Variants in FBXL6 observed in about 807,000 individuals in gnomAD.
FBXL6 encodes the protein F-box/LRR-repeat protein 6.
Under a neutral mutation model 53.3 loss-of-function variants are expected in FBXL6, and 50 were observed. The ratio of observed to expected loss-of-function variants is 0.94; its 90% CI spans 0.75 to 1.19. The LOEUF is 1.19. FBXL6 is among the 50% of genes most tolerant of loss of function. The pLI, the probability that FBXL6 is intolerant of heterozygous loss-of-function variation, is 0.00. For synonymous variants in FBXL6, 405 were observed against 322.9 expected, an observed-to-expected ratio of 1.25 and a Z score of -2.73; for missense variants, 815 against 719.0, an observed-to-expected ratio of 1.13 and a Z score of -1.53.
rs782355848 is a variant in FBXL6, at chr8:144,355,689, G to A, written c.1473-11C>T. On this transcript the variant is annotated splice_polypyrimidine_tract_variant and intron_variant, in intron 8 of 8. Transcript: ENST00000331890. ...CCGCTGATCACAGAGCTGTGGGGAGGGCAGACCACAGGAAGTTGAGCTGTT... is the reference window on the plus strand; with the variant it reads ...CCGCTGATCACAGAGCTGTGGGGAGAGCAGACCACAGGAAGTTGAGCTGTT... The A allele has an allele frequency of 1.2e-6, 2 of 1,610,128 alleles. No homozygotes were observed. Among genetic ancestry groups the A allele is most frequent in the South Asian group, 2.2e-5 (2 of 90,896 alleles).
In FBXL6 at chr8:144,357,119, C is replaced by T; in HGVS notation, c.642G>A (p.Leu214=). The T allele has an allele frequency of 6.2e-7, 1 of 1,612,892 alleles. No individual in the cohort carries two copies. Among genetic ancestry groups the T allele is most frequent in the Non-Finnish European group, 8.5e-7 (1 of 1,180,004 alleles). Residue 214 remains leucine (L), a splice_region_variant and synonymous_variant, in exon 4 of 9, where the codon CTG becomes CTA. Transcript: ENST00000331890. ...WKSQVHPVLK[L]VGECCPRLTF... ...TGAGCCGAGGACAGCACTCACCTAC[C>T]AGCTGCGGGGAGACAGAGGGGCAGC...
In FBXL6 at chr8:144,357,798, G is replaced by A; in HGVS notation, c.417-12C>T. 1 of 1,530,888 alleles carries A rather than the reference G, an allele frequency of 6.5e-7. No individual in the cohort carries two copies. The highest frequency in any genetic ancestry group is 8.8e-7 in the Non-Finnish European group (1 of 1,142,162). 94.8% of individuals were successfully genotyped at this position (1,530,888 alleles called of 1,614,324 possible). ...ACACGCGCGCAGCCCTGGGAGGACAGCGTGCTGAGGGTGCCGGCCCCTCCG... is the reference window on the plus strand; with the variant it reads ...ACACGCGCGCAGCCCTGGGAGGACAACGTGCTGAGGGTGCCGGCCCCTCCG... On this transcript the variant is annotated splice_polypyrimidine_tract_variant and intron_variant, in intron 1 of 8. Transcript: ENST00000331890.
Position 144,358,132 on chromosome 8 carries a change from C to G in FBXL6, c.316G>C (p.Gly106Arg). 1 of 1,567,642 alleles carries G rather than the reference C, an allele frequency of 6.4e-7. No homozygotes were observed. The highest frequency in any genetic ancestry group is 1.1e-5 in the South Asian group (1 of 87,746). ...CGGTCTCCCCAGCCCGCGTCGGGCCCTTCCTCGGGCGTGGGCGTGGGTGCC... is the reference window on the plus strand; with the variant it reads ...CGGTCTCCCCAGCCCGCGTCGGGCCGTTCCTCGGGCGTGGGCGTGGGTGCC... ...APAPTPTPEE[G>R]PDAGWGDRIP... The change falls in exon 1 of 9, where the codon GGG (glycine) becomes CGG (arginine). Residue 106 changes from glycine to arginine, a missense_variant. By Grantham distance (125) the Gly-to-Arg change is moderately radical. Coordinates refer to ENST00000331890, the MANE Select transcript of FBXL6 (RefSeq NM_012162.4).
At position 144,356,594 on chromosome 8, in the gene FBXL6, AG is replaced by A; in HGVS notation, c.993+5del. On this transcript the variant is annotated splice_donor_5th_base_variant and intron_variant, in intron 6 of 8. Coordinates refer to ENST00000331890, the MANE Select transcript of FBXL6 (RefSeq NM_012162.4). ...TGACAGGTGGGAGAGGCAGGGCGCC[AG>A]GTACCTGGAGCTGAGGGCAGCCTTT... 6.2e-7 allele frequency: 1 copy of A among 1,612,872 alleles called. No individual in the cohort carries two copies. Among genetic ancestry groups the A allele is most frequent in the African/African-American group, 1.3e-5 (1 of 75,034 alleles).
Position 144,356,980 on chromosome 8 carries a change from C to T in FBXL6, c.771+10G>A, listed in dbSNP as rs372382267. The T allele has an allele frequency of 2.0e-5, 32 of 1,613,020 alleles. No individual in the cohort carries two copies. The Middle Eastern group carries it at 9.9e-4, about 50-fold the overall frequency. On this transcript the variant is annotated intron_variant, in intron 4 of 8. Transcript: ENST00000331890. ...GGTTTTTTCAGGGCCCCTTGGGACACAGGGCTCACCATGGAGTGCTGTAGG... is the reference window on the plus strand; with the variant it reads ...GGTTTTTTCAGGGCCCCTTGGGACATAGGGCTCACCATGGAGTGCTGTAGG...
At position 144,357,135 on chromosome 8, in the gene FBXL6, G is replaced by A. The variant is rs1554853029; in HGVS notation, c.640-14C>T. 5 of 1,612,746 alleles carry A rather than the reference G, an allele frequency of 3.1e-6. No homozygotes were observed. In the Admixed American group the frequency reaches 6.7e-5, roughly 22 times the overall value. On this transcript the variant is annotated splice_polypyrimidine_tract_variant and intron_variant, in intron 3 of 8. Transcript: ENST00000331890. ...CTCACCTACCAGCTGCGGGGAGACA[G>A]AGGGGCAGCTGGGGTTGGGAGACGA... is the stretch of plus-strand genomic sequence containing the variant.
Position 144,357,141 on chromosome 8 carries a change from C to T in FBXL6, c.640-20G>A. 1 of 1,612,514 alleles carries T rather than the reference C, an allele frequency of 6.2e-7. No homozygotes were observed. Among genetic ancestry groups the T allele is most frequent in the Non-Finnish European group, 8.5e-7 (1 of 1,179,852 alleles). On this transcript the variant is annotated intron_variant, in intron 3 of 8. Transcript: ENST00000331890. ...TACCAGCTGCGGGGAGACAGAGGGGCAGCTGGGGTTGGGAGACGACAGGCT... is the reference window on the plus strand; with the variant it reads ...TACCAGCTGCGGGGAGACAGAGGGGTAGCTGGGGTTGGGAGACGACAGGCT...
In FBXL6 at chr8:144,358,042, A is replaced by T. The variant is rs547331299; in HGVS notation, c.406T>A (p.Phe136Ile). The T allele has an allele frequency of 3.1e-6, 5 of 1,595,438 alleles. No individual in the cohort carries two copies. In the South Asian group the frequency reaches 5.5e-5, roughly 18 times the overall value. Residue 136 changes from phenylalanine to isoleucine, a missense_variant, in exon 1 of 9, where the codon TTC becomes ATC. Physicochemically the swap from Phe to Ile is conservative, Grantham distance 21. Transcript: ENST00000331890. Reference sequence around the variant, plus strand: ...CGGCACCAGCGTTACCTGCCCAGGAAGGGCATGGGGCCGTCCGCCGCCACC... The same window carrying T: ...CGGCACCAGCGTTACCTGCCCAGGATGGGCATGGGGCCGTCCGCCGCCACC... ...LLVAADGPMPFLGRAARVCRR... is the reference protein window; with the variant it reads ...LLVAADGPMPILGRAARVCRR...
chr8:144,358,315 T>G lies in FBXL6; in HGVS notation c.133A>C (p.Met45Leu). The G allele has an allele frequency of 7.9e-7, 1 of 1,263,048 alleles. No individual in the cohort carries two copies. The highest frequency in any genetic ancestry group is 9.9e-7 in the Non-Finnish European group (1 of 1,005,526). 78.2% of individuals were successfully genotyped at this position (1,263,048 alleles called of 1,614,324 possible). The change falls in exon 1 of 9, where the codon ATG (methionine) becomes CTG (leucine). Residue 45 changes from methionine (M) to leucine (L), a missense_variant. Coordinates refer to ENST00000331890, the MANE Select transcript of FBXL6 (RefSeq NM_012162.4). Reference sequence around the variant, plus strand: ...CCGGGTTCGGACAGCACCAGCAGCATGCTGTCGGACTGCAGCAGGTGGTAC... The same window carrying G: ...CCGGGTTCGGACAGCACCAGCAGCAGGCTGTCGGACTGCAGCAGGTGGTAC... ...SGYHLLQSDSMLLVLSEPGPA... is the reference protein window; with the variant it reads ...SGYHLLQSDSLLLVLSEPGPA...
rs782241766 is a variant in FBXL6, at chr8:144,355,946, G to T, written c.1472+22C>A. 5 of 1,608,954 alleles carry T rather than the reference G, an allele frequency of 3.1e-6. No homozygotes were observed. The Admixed American group carries it at 6.7e-5, about 21-fold the overall frequency. On this transcript the variant is annotated intron_variant, in intron 8 of 8. Transcript: ENST00000331890. Reference sequence around the variant, plus strand: ...CAGTGACAGCCACACTGGCTCCAGGGACTGGGGTAGGGGATGCTGACCTGA... The same window carrying T: ...CAGTGACAGCCACACTGGCTCCAGGTACTGGGGTAGGGGATGCTGACCTGA...
rs868977172 is a variant in FBXL6, at chr8:144,355,653, G to A, written c.1498C>T (p.Leu500=). Residue 500 remains leucine (L), a synonymous_variant, in exon 9 of 9, where the codon CTG becomes TTG. Transcript: ENST00000331890. ...VSSVISGCPG[L]LYLNLESCRC... is the part of the protein sequence containing the mutation. The stretch of plus-strand genomic sequence containing the variant: ...CAGGACTCCAGGTTGAGGTAGAGCA[G>A]GCCCGGGCAGCCGCTGATCACAGAG... 6.2e-7 allele frequency: 1 copy of A among 1,610,930 alleles called. No homozygotes were observed.
intron 2 of FBXL6, 54 bp from the exon 3 acceptor site, chr8:144,357,556 C>T (rs374417005): frequency 6.2e-7 from 1 of 1,611,878 alleles, no homozygotes; most frequent in Non-Finnish European, 8.5e-7. Context: ...GAGTCCTTCC[C>T]ACCCAACACC....
In FBXL6 at chr8:144,356,835, C is replaced by T; in HGVS notation, c.852G>A (p.Gln284=). The T allele has an allele frequency of 6.2e-7, 1 of 1,613,338 alleles. No individual in the cohort carries two copies. The highest frequency in any genetic ancestry group is 1.1e-5 in the South Asian group (1 of 91,088). ...GCAGTGCGCCCAGGATGGCTGTCGT[C>T]TGGGAGCTGTAGGTCAGCCACAACT... is the stretch of plus-strand genomic sequence containing the variant. ...MRKLWLTYSS[Q]TTAILGALLG... is the part of the protein sequence containing the mutation. The change falls in exon 5 of 9, where the codon CAG becomes CAA. Residue 284 remains glutamine, a synonymous_variant. Coordinates refer to ENST00000331890, the MANE Select transcript of FBXL6 (RefSeq NM_012162.4).
In FBXL6 at chr8:144,356,242, A is replaced by G; in HGVS notation, c.1226-28T>C. ...GCAGTGAAAGGAGTGAGCATAAGCT[A>G]CAAGGTGACAAGGGCCCCCACACCT... On this transcript the variant is annotated intron_variant, in intron 7 of 8. Coordinates refer to ENST00000331890, the MANE Select transcript of FBXL6 (RefSeq NM_012162.4). 8 of 998,388 alleles carry G rather than the reference A, an allele frequency of 8.0e-6. No individual in the cohort carries two copies. In the South Asian group the frequency reaches 1.3e-4, roughly 17 times the overall value. The allele number at this position is 998,388 out of a possible 1,614,324, so 61.8% of individuals were successfully genotyped here. A position where few individuals can be genotyped will look rare whatever the true frequency, so the allele number is the denominator to read the frequency against.
intron 5 of FBXL6, 40 bp downstream of exon 5, chr8:144,356,768 A>G (rs369106175): frequency 7.1e-5 from 115 of 1,611,648 alleles, no homozygotes; most frequent in Non-Finnish European, 9.6e-5. Context: ...GGCAGTCCCC[A>G]GCTCAGCATC....
At position 144,356,055 on chromosome 8, in the gene FBXL6, G is replaced by C. The variant is rs1564647701; in HGVS notation, c.1385C>G (p.Ala462Gly). ...FSEKDLEQALAAFLSTPGGSH... is the reference protein window; with the variant it reads ...FSEKDLEQALGAFLSTPGGSH... ...GCCCCCAGGGGTGCTTAAGAAGGCA[G>C]CCAGGGCCTGCTCCAGGTCCTTCTC... Residue 462 changes from alanine (A) to glycine (G), a missense_variant, in exon 8 of 9, where the codon GCT becomes GGT. Coordinates refer to ENST00000331890, the MANE Select transcript of FBXL6 (RefSeq NM_012162.4). 1 of 1,612,972 alleles carries C rather than the reference G, an allele frequency of 6.2e-7. No homozygotes were observed.
At chr8:144,355,786 G>T in intron 8 of FBXL6, 108 bp from the exon 9 acceptor site, 1 of 1,527,908 alleles carries the variant, frequency 6.5e-7, no homozygotes, top group Non-Finnish European at 8.8e-7. Flanking sequence ...GCCACCCATA[G>T]CCACCAAGGC....
In FBXL6 at chr8:144,355,443, T is replaced by C; in HGVS notation, c.*88A>G. 1 of 1,557,072 alleles carries C rather than the reference T, an allele frequency of 6.4e-7. No homozygotes were observed. The highest frequency in any genetic ancestry group is 8.7e-7 in the Non-Finnish European group (1 of 1,144,650). Reference sequence around the variant, plus strand: ...ACACACACAGAACTCCTAAAAATGTTTTATTTTAACAAAATGCTCAAATAT... The same window carrying C: ...ACACACACAGAACTCCTAAAAATGTCTTATTTTAACAAAATGCTCAAATAT... On this transcript the variant is annotated 3_prime_UTR_variant, in exon 9 of 9. Coordinates refer to ENST00000331890, the MANE Select transcript of FBXL6 (RefSeq NM_012162.4).
rs1266266542 is a variant in FBXL6, at chr8:144,358,027, G to A, written c.416+5C>T. 5.7e-6 allele frequency: 9 copies of A among 1,590,100 alleles called. No homozygotes were observed. Among genetic ancestry groups the A allele is most frequent in the East Asian group, 4.7e-5 (2 of 42,732 alleles). ...GCTCGGCGGCGGGCCCGGCACCAGC[G>A]TTACCTGCCCAGGAAGGGCATGGGG... is the stretch of plus-strand genomic sequence containing the variant. On this transcript the variant is annotated splice_donor_5th_base_variant and intron_variant, in intron 1 of 8. Transcript: ENST00000331890.
Sources: allele counts gnomAD v4.1 joint callset, GRCh38; gene constraint gnomAD v4.1.1; transcripts MANE v1.5; gene names NCBI Gene and HGNC (gene_info 2026-07-23, HGNC 2026-07-21).